The following CALM2 variants were observed in gnomAD, a reference collection of about 807,000 sequenced individuals.
CALM2 encodes the protein calmodulin 2, also known as calmodulin-2.
In CALM2, 2 loss-of-function variants were observed where a neutral mutation model predicts 19.8. The observed-to-expected ratio is 0.10, with a 90% CI of 0.04 to 0.32. The LOEUF is 0.32. Ranked by LOEUF, CALM2 falls within the 10% of genes least tolerant of loss-of-function variation. The pLI is 1.00. For synonymous variants in CALM2, 51 were observed against 52.1 expected, an observed-to-expected ratio of 0.98 and a Z score of 0.09; for missense variants, 38 against 178.7, an observed-to-expected ratio of 0.21 and a Z score of 4.49.
At chr2:47,173,260 A>G (rs956268688) in intron 1 of CALM2, 37 of 152,172 alleles carry the variant, frequency 2.4e-4, no homozygotes, top group African/African-American at 8.7e-4. Flanking sequence ...AGGGAGTGCC[A>G]TTTTCTTAGA....
chr2:47,165,105 A>C (rs1666420560), intron 2 of CALM2, among the ~76,000 whole-genome samples: 1 of 152,208 alleles, frequency 6.6e-6, no homozygotes, highest in African/African-American at 2.4e-5. Context: ...CACTATTTTA[A>C]AATGACATCC....
At chr2:47,163,079 G>A (rs539955266) in intron 2 of CALM2, 1 of 158,426 alleles carries the variant, frequency 6.3e-6, no homozygotes, top group African/African-American at 2.4e-5. Context: ...CAAAATTACA[G>A]ACCTAACCTA....
chr2:47,170,694 T>C (rs373220148), intron 2 of CALM2, 40 bp downstream of exon 2: 2 of 1,531,180 alleles, frequency 1.3e-6, no homozygotes, highest in Middle Eastern at 1.7e-4. Flanking sequence ...CAATTTATAA[T>C]AAGAATCTAA....
chr2:47,175,569 T>G (rs1321880246), intron 1 of CALM2, among the ~76,000 whole-genome samples: 1 of 152,154 alleles, frequency 6.6e-6, no homozygotes, highest in Non-Finnish European at 1.5e-5. Context: ...ACAGACACTT[T>G]AAAAAGCAAT....
chr2:47,168,809 G>A (rs939141903), intron 2 of CALM2, among the ~76,000 whole-genome samples: 7 of 150,866 alleles, frequency 4.6e-5, no homozygotes, highest in African/African-American at 1.5e-4. Flanking sequence ...GCAAAGTCTC[G>A]CTCTGTTGCC....
intron 2 of CALM2, 78 bp downstream of exon 2, chr2:47,170,656 C>G (rs1666636217): frequency 9.3e-7 from 1 of 1,074,960 alleles, no homozygotes; most frequent in Admixed American, 1.7e-5. Flanking sequence ...TTATTTCATA[C>G]AAGTCTCTTA....
intron 1 of CALM2, chr2:47,171,759 A>T (rs1486461840): frequency 2.0e-5 from 3 of 152,226 alleles, no homozygotes; most frequent in East Asian, 1.9e-4. Context: ...CATGGGAGTC[A>T]AGTATACAAT....
intron 5 of CALM2, 23 bp downstream of exon 5, chr2:47,161,700 A>C: frequency 6.3e-7 from 1 of 1,593,650 alleles, no homozygotes; most frequent in East Asian, 2.3e-5. Flanking sequence ...GTGAAGAATG[A>C]GGCGTGAGAC....
At position 47,176,289 on chromosome 2, in the gene CALM2, C is replaced by T; in HGVS notation, c.3+152G>A. 3.4e-6 allele frequency: 3 copies of T among 881,726 alleles called. No individual in the cohort carries two copies. The South Asian group carries it at 5.0e-5, about 15-fold the overall frequency. 54.6% of individuals were successfully genotyped at this position (881,726 alleles called of 1,614,324 possible). On this transcript the variant is annotated intron_variant, in intron 1 of 5. Transcript: ENST00000272298. Reference sequence around the variant, plus strand: ...GGTGGGGGAGCACCTGCGACACAACCGTCGCCGGCATCCCTGGCCTCTTTC... The same window carrying T: ...GGTGGGGGAGCACCTGCGACACAACTGTCGCCGGCATCCCTGGCCTCTTTC...
In CALM2 at chr2:47,176,506, C is replaced by G. The variant is rs765000776; in HGVS notation, c.-63G>C. The G allele has an allele frequency of 3.1e-6, 5 of 1,606,602 alleles. No homozygotes were observed. The highest frequency in any genetic ancestry group is 1.7e-5 in the Admixed American group (1 of 59,354). ...AACCACTCAGCTCGCTCTCTCCACT[C>G]GGACTAATTCGCCTCCTCCGCCCCC... On this transcript the variant is annotated 5_prime_UTR_variant, in exon 1 of 6. Coordinates refer to ENST00000272298, the MANE Select transcript of CALM2 (RefSeq NM_001743.6).
At chr2:47,174,925 G>C (rs1693869) in intron 1 of CALM2, among the ~76,000 whole-genome samples, 135,064 of 151,998 alleles carry the variant, frequency 0.89, 60,045 homozygotes, top group Middle Eastern at 0.93. Flanking sequence ...AGGTGAAATC[G>C]TCTCCCCACA....
chr2:47,165,829 C>G (rs538077597), intron 2 of CALM2, among the ~76,000 whole-genome samples: 1 of 152,164 alleles, frequency 6.6e-6, no homozygotes, highest in Non-Finnish European at 1.5e-5. Context: ...AAGGTACTAG[C>G]AAAAGCCCAA....
chr2:47,170,658 A>G, intron 2 of CALM2, 76 bp downstream of exon 2: 1 of 1,079,934 alleles, frequency 9.3e-7, no homozygotes, highest in Admixed American at 1.7e-5. Flanking sequence ...ATTTCATACA[A>G]GTCTCTTATT....
chr2:47,172,593 G>A lies in CALM2; in HGVS notation c.4-1829C>T, dbSNP rs527775281. 3 of 509,176 alleles carry A rather than the reference G, an allele frequency of 5.9e-6. 1 individual carries two copies. The highest frequency in any genetic ancestry group is 8.9e-5 in the Admixed American group (2 of 22,374). 31.5% of individuals were successfully genotyped at this position (509,176 alleles called of 1,614,324 possible). Reference sequence around the variant, plus strand: ...GCATTTATTAAGCCCTTTATGGTAAGCTTACTCTATTCAATGTTAACTTTG... The same window carrying A: ...GCATTTATTAAGCCCTTTATGGTAAACTTACTCTATTCAATGTTAACTTTG... On this transcript the variant is annotated intron_variant, in intron 1 of 5. Coordinates refer to ENST00000272298, the MANE Select transcript of CALM2 (RefSeq NM_001743.6).
Position 47,160,672 on chromosome 2 carries a change from T to C in CALM2, c.*104A>G. ...AAGTCCTAATTACTATACATGCATA[T>C]TTTTTTGACAGTAGGGAGAAACCTT... On this transcript the variant is annotated 3_prime_UTR_variant, in exon 6 of 6. Coordinates refer to ENST00000272298, the MANE Select transcript of CALM2 (RefSeq NM_001743.6). 1 of 614,302 alleles carries C rather than the reference T, an allele frequency of 1.6e-6. No individual in the cohort carries two copies. Among genetic ancestry groups the C allele is most frequent in the Admixed American group, 3.4e-5 (1 of 29,220 alleles). 38.1% of individuals were successfully genotyped at this position (614,302 alleles called of 1,614,324 possible).
At chr2:47,170,089 A>C (rs1666615552) in intron 2 of CALM2, among the ~76,000 whole-genome samples, 1 of 152,220 alleles carries the variant, frequency 6.6e-6, no homozygotes, top group Admixed American at 6.5e-5. Flanking sequence ...CATAAAGAGA[A>C]CATGACATCA....
chr2:47,171,194 A>C (rs1666654852), intron 1 of CALM2: 1 of 158,930 alleles, frequency 6.3e-6, no homozygotes, highest in Non-Finnish European at 1.4e-5. Flanking sequence ...AAAAAGGCAC[A>C]AACTTTTATT....
chr2:47,167,137 T>G (rs976091052), intron 2 of CALM2, among the ~76,000 whole-genome samples: 4 of 152,244 alleles, frequency 2.6e-5, no homozygotes, highest in Non-Finnish European at 5.9e-5. Flanking sequence ...TTAAAGATCA[T>G]GTACTGGAAC....
chr2:47,161,948 T>C (rs757451233), intron 4 of CALM2, 90 bp from the exon 5 acceptor site: 9 of 1,079,426 alleles, frequency 8.3e-6, no homozygotes, highest in Middle Eastern at 2.2e-4. Context: ...AAATTTCACA[T>C]TGGGGGAAAA....
Sources: allele counts gnomAD v4.1 joint callset (sites outside exome capture counted in the v4.1 genomes callset), GRCh38; gene constraint gnomAD v4.1.1; transcripts MANE v1.5; gene names NCBI Gene and HGNC (gene_info 2026-07-23, HGNC 2026-07-21).